TTC27: variants seen among roughly 807,000 people sequenced by gnomAD.
TTC27 encodes the protein tetratricopeptide repeat protein 27.
In TTC27, 79 loss-of-function variants were observed where a neutral mutation model predicts 115.9. That is an observed-to-expected ratio of 0.68 (90% CI 0.57 to 0.82). TTC27 has a LOEUF of 0.82. TTC27 is among the 40% of genes least tolerant of loss of function. The pLI is 0.00. For missense variants in TTC27, 1,054 were observed against 993.1 expected (o/e 1.06, Z -0.82); for synonymous variants, 401 against 356.0 (o/e 1.13, Z -1.42).
intron 10 of TTC27, among the ~76,000 whole-genome samples, chr2:32,712,211 T>C (rs1469065439): frequency 1.3e-5 from 2 of 152,178 alleles, no homozygotes; most frequent in African/African-American, 4.8e-5. Context: ...AAAGAAAATG[T>C]TTAATCACAA....
intron 2 of TTC27, 63 bp from the exon 3 acceptor site, chr2:32,633,813 T>G: frequency 6.6e-7 from 1 of 1,509,984 alleles, no homozygotes; most frequent in Non-Finnish European, 9.1e-7. Context: ...AATGGAATAG[T>G]GTGTTTGAGA....
At chr2:32,675,528 T>G (rs1290159831) in intron 8 of TTC27, among the ~76,000 whole-genome samples, 1 of 152,140 alleles carries the variant, frequency 6.6e-6, no homozygotes, top group East Asian at 1.9e-4. Context: ...GCAGTTTAAC[T>G]CTTCATTGTT....
At chr2:32,708,567 C>G (rs567412702) in intron 10 of TTC27, among the ~76,000 whole-genome samples, 1 of 152,050 alleles carries the variant, frequency 6.6e-6, no homozygotes, top group East Asian at 1.9e-4. Flanking sequence ...CTCAGCCTCC[C>G]AAAGTGCTGG....
intron 9 of TTC27, among the ~76,000 whole-genome samples, chr2:32,682,929 C>T (rs1666492763): frequency 7.0e-6 from 1 of 141,962 alleles, no homozygotes; most frequent in Non-Finnish European, 1.5e-5. Context: ...TCTCGGCTCA[C>T]TGCAAGCTCC....
chr2:32,669,526 T>A (rs1665928811), intron 7 of TTC27, among the ~76,000 whole-genome samples: 1 of 152,170 alleles, frequency 6.6e-6, no homozygotes, highest in Non-Finnish European at 1.5e-5. Flanking sequence ...TAACCATTTT[T>A]CAGGAAAAGG....
intron 13 of TTC27, among the ~76,000 whole-genome samples, chr2:32,777,420 T>C (rs1273859536): frequency 6.6e-6 from 1 of 152,264 alleles, no homozygotes; most frequent in Non-Finnish European, 1.5e-5. Context: ...TCCTCCTATA[T>C]ACTTTCAATC....
At chr2:32,728,074 G>C (rs535362503) in intron 10 of TTC27, among the ~76,000 whole-genome samples, 1 of 130,972 alleles carries the variant, frequency 7.6e-6, no homozygotes, top group East Asian at 2.3e-4. Flanking sequence ...ACAGAGTCTC[G>C]CTGTCGCCCA....
chr2:32,797,979 G>A (rs1670767397), intron 16 of TTC27, among the ~76,000 whole-genome samples: 1 of 151,550 alleles, frequency 6.6e-6, no homozygotes, highest in African/African-American at 2.4e-5. Flanking sequence ...CATTTCTCCA[G>A]AGAAGATAAA....
At chr2:32,728,165 C>T (rs921657390) in intron 10 of TTC27, among the ~76,000 whole-genome samples, 5 of 151,742 alleles carry the variant, frequency 3.3e-5, no homozygotes, top group Non-Finnish European at 7.4e-5. Flanking sequence ...CTCAGCCTCC[C>T]GAGTACCTGG....
intron 10 of TTC27, among the ~76,000 whole-genome samples, chr2:32,709,144 GGA>G (rs1305023315): frequency 6.6e-6 from 1 of 152,142 alleles, no homozygotes; most frequent in Non-Finnish European, 1.5e-5. Flanking sequence ...GATAAATGGA[GGA>G]GAGGGGACAA....
rs566372659 is a variant in TTC27 at position 32,723,076 on chromosome 2, AGT to A, written c.1234-10750_1234-10749del. On this transcript the variant is annotated intron_variant, in intron 10 of 19. Coordinates refer to ENST00000317907, the MANE Select transcript of TTC27 (RefSeq NM_017735.5). ...AAAAAGCCCTAGAAAGTTACAGAAA[AGT>A]GAAAAGTAGGTAATAATAAAGGAAT... 1.6e-4 allele frequency among the ~76,000 whole-genome samples: 24 copies of A among 152,308 alleles called. 1 individual carries two copies. The East Asian group carries it at 4.4e-3, about 28-fold the overall frequency.
At chr2:32,809,487 T>C (rs34680719) in intron 16 of TTC27, among the ~76,000 whole-genome samples, 63,791 of 152,046 alleles carry the variant, frequency 0.42, 13,893 homozygotes, top group South Asian at 0.59. Flanking sequence ...TGGGAGCTTG[T>C]TGGAAATGCA....
intron 4 of TTC27, among the ~76,000 whole-genome samples, chr2:32,641,520 T>C (rs2151863847): frequency 6.6e-6 from 1 of 152,338 alleles, no homozygotes; most frequent in East Asian, 1.9e-4. Context: ...AAACCAGTAG[T>C]GGGCTGGATT....
chr2:32,635,529 C>G (rs1405018121), intron 3 of TTC27, among the ~76,000 whole-genome samples: 1 of 151,926 alleles, frequency 6.6e-6, no homozygotes, highest in Non-Finnish European at 1.5e-5. Context: ...ACTAAAAATA[C>G]AAAAATTAGC....
intron 16 of TTC27, among the ~76,000 whole-genome samples, chr2:32,789,708 C>T (rs1670464205): frequency 6.6e-6 from 1 of 151,512 alleles, no homozygotes; most frequent in African/African-American, 2.4e-5. Flanking sequence ...TTACTTGAGC[C>T]CAGGGGTTTG....
At chr2:32,652,325 C>G (rs1035475728) in intron 5 of TTC27, among the ~76,000 whole-genome samples, 5 of 151,948 alleles carry the variant, frequency 3.3e-5, no homozygotes, top group East Asian at 1.9e-4. Context: ...GAGCTGAGAT[C>G]GCGTCATTGC....
intron 13 of TTC27, among the ~76,000 whole-genome samples, chr2:32,771,741 C>T (rs1009484510): frequency 3.3e-5 from 5 of 152,078 alleles, no homozygotes; most frequent in African/African-American, 4.8e-5. Context: ...GAGCATCAAG[C>T]ATCACTTTAG....
intron 4 of TTC27, among the ~76,000 whole-genome samples, chr2:32,641,696 G>A (rs969077600): frequency 6.6e-5 from 10 of 150,724 alleles, no homozygotes; most frequent in Admixed American, 3.3e-4. Context: ...TTTTTTTTTC[G>A]AGATGGAGTT....
chr2:32,629,117 G>T (rs1435192821), intron 1 of TTC27, among the ~76,000 whole-genome samples: 7 of 150,924 alleles, frequency 4.6e-5, no homozygotes, highest in Non-Finnish European at 2.9e-5. Flanking sequence ...CTAAAATGAG[G>T]CAGCAAAGTT....
Sources: gnomAD v4.1 joint callset for allele counts (sites outside exome capture counted in the v4.1 genomes callset) on GRCh38, gnomAD v4.1.1 for gene constraint, MANE v1.5 for transcripts, NCBI Gene and HGNC (gene_info 2026-07-23, HGNC 2026-07-21) for gene names.